ULK4: variants seen among roughly 807,000 people sequenced by gnomAD.
ULK4 encodes the protein unc-51 like kinase 4.
ULK4 carries 133 observed loss-of-function variants against 160.6 expected under a neutral mutation model. That is an observed-to-expected ratio of 0.83 (90% confidence interval 0.72 to 0.96). ULK4 has a LOEUF of 0.96. Ranked by LOEUF, ULK4 falls within the 40% of genes least tolerant of loss-of-function variation. The pLI, the probability that ULK4 is intolerant of heterozygous loss-of-function variation, is 0.00. For synonymous variants in ULK4, 534 were observed against 539.8 expected (o/e 0.99, Z 0.15); for missense variants, 1,580 against 1,499.5 (o/e 1.05, Z -0.89).
chr3:41,740,489 T>C (rs1265598187), intron 22 of ULK4, among the ~76,000 whole-genome samples: 1 of 151,862 alleles, frequency 6.6e-6, no homozygotes, highest in African/African-American at 2.4e-5. Flanking sequence ...AATATGAGTA[T>C]GAAGCCATTT....
chr3:41,620,034 G>A (rs140705405), intron 30 of ULK4, among the ~76,000 whole-genome samples: 1,617 of 151,914 alleles, frequency 0.011, 16 homozygotes, highest in Middle Eastern at 0.02. Context: ...AAATTCCTGC[G>A]CACATACACC....
chr3:41,838,940 G>C (rs1429889741), intron 17 of ULK4, among the ~76,000 whole-genome samples: 3 of 152,298 alleles, frequency 2.0e-5, no homozygotes, highest in South Asian at 2.1e-4. Context: ...GGAATAGGGA[G>C]ATGTTGATCA....
At chr3:41,468,961 C>G (rs961573816) in intron 32 of ULK4, among the ~76,000 whole-genome samples, 7 of 152,182 alleles carry the variant, frequency 4.6e-5, no homozygotes, top group Non-Finnish European at 7.3e-5. Context: ...TACCTGTCAG[C>G]AGTAGTGCCC....
At chr3:41,384,961 G>T (rs1256868324) in intron 35 of ULK4, among the ~76,000 whole-genome samples, 1 of 152,066 alleles carries the variant, frequency 6.6e-6, no homozygotes, top group Non-Finnish European at 1.5e-5. Flanking sequence ...AGGCTGAGGT[G>T]AGATAATCAA....
rs115967509 is a variant in ULK4 at position 41,447,706 on chromosome 3, T to C, written c.3492+7791A>G. Among the ~76,000 whole-genome samples the C allele has an allele frequency of 6.9e-3, 1,048 of 152,254 alleles. 7 individuals carry two copies. Among genetic ancestry groups the C allele is most frequent in the African/African-American group, 0.024 (982 of 41,532 alleles). Reference sequence around the variant, plus strand: ...GATCCTAGGGCTCGGTTTTTATGTATTGCGGTGGCTATAAGCACAGCAATT... The same window carrying C: ...GATCCTAGGGCTCGGTTTTTATGTACTGCGGTGGCTATAAGCACAGCAATT... On this transcript the variant is annotated intron_variant, in intron 34 of 36. Coordinates refer to ENST00000301831, the MANE Select transcript of ULK4 (RefSeq NM_017886.4).
At chr3:41,800,556 T>G (rs781537859) in intron 19 of ULK4, among the ~76,000 whole-genome samples, 1 of 152,180 alleles carries the variant, frequency 6.6e-6, no homozygotes, top group South Asian at 2.1e-4. Context: ...CACATGAAGG[T>G]TGCAGTGAGC....
chr3:41,466,196 T>C (rs1320211373), intron 32 of ULK4, among the ~76,000 whole-genome samples: 1 of 152,190 alleles, frequency 6.6e-6, no homozygotes, highest in Non-Finnish European at 1.5e-5. Context: ...GACTGGGCAT[T>C]AGACACTTCT....
chr3:41,408,978 G>A (rs555695241), intron 34 of ULK4, among the ~76,000 whole-genome samples: 2 of 152,230 alleles, frequency 1.3e-5, no homozygotes, highest in African/African-American at 4.8e-5. Flanking sequence ...AAATGTAAGA[G>A]CTAAATGCAG....
chr3:41,614,815 T>C (rs1253795933), intron 31 of ULK4, among the ~76,000 whole-genome samples: 1 of 152,218 alleles, frequency 6.6e-6, no homozygotes, highest in Non-Finnish European at 1.5e-5. Flanking sequence ...GGAAAGTTGA[T>C]TTCCCATGTG....
intron 16 of ULK4, 72 bp from the exon 17 acceptor site, chr3:41,884,024 A>C (rs1456088055): frequency 2.8e-6 from 3 of 1,067,242 alleles, no homozygotes; most frequent in Non-Finnish European, 4.4e-6. Context: ...AGCTAGTTAC[A>C]TTATGCAATG....
At chr3:41,484,581 T>C (rs188538804) in intron 32 of ULK4, among the ~76,000 whole-genome samples, 2,615 of 151,574 alleles carry the variant, frequency 0.017, 61 homozygotes, top group African/African-American at 0.06. Context: ...GCCTCCGGAG[T>C]AGCTGGGACT....
rs143621818 is a variant in ULK4, at chr3:41,311,877, C to CATATAT, written c.3679-62309_3679-62304dup. Among the ~76,000 whole-genome samples the CATATAT allele has an allele frequency of 1.1e-3, 164 of 146,622 alleles. 1 individual carries two copies. Among genetic ancestry groups the CATATAT allele is most frequent in the Non-Finnish European group, 1.5e-3 (98 of 67,210 alleles). On this transcript the variant is annotated intron_variant, in intron 35 of 36. Coordinates refer to ENST00000301831, the MANE Select transcript of ULK4 (RefSeq NM_017886.4). The stretch of plus-strand genomic sequence containing the variant: ...CCACTGCACCCGGCCAAACTCTCCT[C>CATATAT]ATATATATATATATATATCCTATTA...
chr3:41,444,481 T>C (rs2083249777), intron 34 of ULK4, among the ~76,000 whole-genome samples: 1 of 152,086 alleles, frequency 6.6e-6, no homozygotes, highest in African/African-American at 2.4e-5. Flanking sequence ...TTATTACCAT[T>C]CTGCCCAATT....
In ULK4 at chr3:41,278,689, C is replaced by A. The variant is rs552234206; in HGVS notation, c.3679-29115G>T. ...GGAGTGGACCTCCAGCAAACCCCAA[C>A]AGACCTGCACCTGAGGGGCCTGTTA... is the stretch of plus-strand genomic sequence containing the variant. On this transcript the variant is annotated intron_variant, in intron 35 of 36. Transcript: ENST00000301831. Among the ~76,000 whole-genome samples, 4 of 152,288 alleles carry A rather than the reference C, an allele frequency of 2.6e-5. No individual in the cohort carries two copies. The East Asian group carries it at 7.7e-4, about 29-fold the overall frequency.
At chr3:41,587,669 CTAAATACTATTTATCTTGGTAGT>C (rs901349576) in intron 31 of ULK4, among the ~76,000 whole-genome samples, 6 of 152,124 alleles carry the variant, frequency 3.9e-5, no homozygotes, top group Non-Finnish European at 7.3e-5. Context: ...AAGGCAAAGG[CTAAATACTATTTATCTTGGTAGT>C]CCTAGCACCT....
intron 20 of ULK4, among the ~76,000 whole-genome samples, chr3:41,793,639 CT>C (rs773735028): frequency 5.3e-4 from 80 of 152,142 alleles, no homozygotes; most frequent in Non-Finnish European, 8.1e-4. Context: ...TACTTCTTCA[CT>C]TTTTGACACC....
intron 22 of ULK4, 135 bp from the exon 23 acceptor site, chr3:41,717,996 G>T: frequency 2.9e-6 from 3 of 1,043,374 alleles, no homozygotes; most frequent in Non-Finnish European, 4.0e-6. Context: ...GTAGCAACTT[G>T]TCGGGCACAA....
intron 32 of ULK4, among the ~76,000 whole-genome samples, chr3:41,542,902 T>C (rs528912838): frequency 1.3e-5 from 2 of 152,240 alleles, no homozygotes; most frequent in African/African-American, 4.8e-5. Flanking sequence ...GGACAATTCT[T>C]TTCAGCATGC....
chr3:41,582,468 C>T (rs1203844775), intron 31 of ULK4, among the ~76,000 whole-genome samples: 1 of 152,104 alleles, frequency 6.6e-6, no homozygotes, highest in African/African-American at 2.4e-5. Flanking sequence ...TCAGAGATAT[C>T]ACCTATATTA....
Sources: allele counts gnomAD v4.1 joint callset (sites outside exome capture counted in the v4.1 genomes callset), GRCh38; gene constraint gnomAD v4.1.1; transcripts MANE v1.5; gene names NCBI Gene and HGNC (gene_info 2026-07-23, HGNC 2026-07-21).